Variants in SLC35F4 observed in about 807,000 individuals in gnomAD.
SLC35F4 encodes chromosome 14 open reading frame 36.
A neutral mutation model predicts 44.2 loss-of-function variants in SLC35F4; 24 were observed. The observed-to-expected ratio is 0.54, with a 90% CI of 0.39 to 0.76. The LOEUF is 0.76. SLC35F4 is among the 30% of genes least tolerant of loss of function. SLC35F4 has a pLI of 0.00. For synonymous variants in SLC35F4, 238 were observed against 223.6 expected, an observed-to-expected ratio of 1.06 and a Z score of -0.57; for missense variants, 562 against 586.1, an observed-to-expected ratio of 0.96 and a Z score of 0.42.
chr14:57,766,186 CT>C (rs2077230541), intron 1 of SLC35F4, among the ~76,000 whole-genome samples: 1 of 152,168 alleles, frequency 6.6e-6, no homozygotes, highest in African/African-American at 2.4e-5. Flanking sequence ...AGAGCTGTAC[CT>C]CTTTATTCAG....
intron 1 of SLC35F4, among the ~76,000 whole-genome samples, chr14:57,767,398 G>T (rs1301619564): frequency 6.6e-6 from 1 of 152,052 alleles, no homozygotes; most frequent in African/African-American, 2.4e-5. Context: ...GTAACAGAAA[G>T]AAAATGACAT....
intron 1 of SLC35F4, among the ~76,000 whole-genome samples, chr14:57,923,128 G>T (rs1415604464): frequency 1.3e-5 from 2 of 152,100 alleles, no homozygotes; most frequent in African/African-American, 4.8e-5. Context: ...AATAAGAAAA[G>T]GCTCTAGAAT....
intron 1 of SLC35F4, among the ~76,000 whole-genome samples, chr14:57,813,211 C>T (rs547890436): frequency 2.0e-4 from 31 of 152,322 alleles, no homozygotes; most frequent in Non-Finnish European, 1.6e-4. Context: ...CAACTCCACC[C>T]CAACACCACG....
At chr14:57,929,794 G>C (rs1372929520) in intron 1 of SLC35F4, among the ~76,000 whole-genome samples, 1 of 152,142 alleles carries the variant, frequency 6.6e-6, no homozygotes, top group African/African-American at 2.4e-5. Flanking sequence ...TCAAATGAAT[G>C]AAAACTCCCC....
At chr14:57,816,680 C>T (rs2140900310) in intron 1 of SLC35F4, among the ~76,000 whole-genome samples, 1 of 152,276 alleles carries the variant, frequency 6.6e-6, no homozygotes, top group African/African-American at 2.4e-5. Context: ...GTGACTAAAG[C>T]ACAAAATTTA....
At chr14:57,933,720 C>T (rs1180137856) in intron 1 of SLC35F4, among the ~76,000 whole-genome samples, 1 of 152,028 alleles carries the variant, frequency 6.6e-6, no homozygotes, top group Non-Finnish European at 1.5e-5. Flanking sequence ...TGAAATAGAA[C>T]CAAATGGGAA....
intron 1 of SLC35F4, among the ~76,000 whole-genome samples, chr14:57,714,867 C>G (rs886819965): frequency 6.6e-6 from 1 of 152,134 alleles, no homozygotes; most frequent in Admixed American, 6.5e-5. Flanking sequence ...TTGGACTTAA[C>G]GGACCAAGAA....
At chr14:57,776,568 A>C (rs990434095) in intron 1 of SLC35F4, among the ~76,000 whole-genome samples, 8 of 147,658 alleles carry the variant, frequency 5.4e-5, no homozygotes, top group African/African-American at 2.0e-4. Context: ...TGGGAGGCTG[A>C]GGTCAGAGAA....
chr14:57,895,693 G>C (rs1463425259), intron 1 of SLC35F4, among the ~76,000 whole-genome samples: 1 of 151,928 alleles, frequency 6.6e-6, no homozygotes, highest in African/African-American at 2.4e-5. Context: ...AGTTTCCTGA[G>C]GCCTCCCAGT....
rs1555398709 is a variant in SLC35F4 at position 57,865,989 on chromosome 14, A to AGCGGCAGCGGCAGCGGCG, written c.-165_-164insCGCCGCTGCCGCTGCCGC. 2.7e-6 allele frequency: 1 copy of AGCGGCAGCGGCAGCGGCG among 365,260 alleles called. No individual in the cohort carries two copies. The highest frequency in any genetic ancestry group is 2.2e-5 in the African/African-American group (1 of 45,490). The allele number at this position is 365,260 out of a possible 1,614,324, so 22.6% of individuals were successfully genotyped here. Reference sequence around the variant, plus strand: ...CGGCGCAGCACCGGCTCCGCATCACAGCGGCGGCGGCGGCGGCGGCGGCGG... The same window carrying AGCGGCAGCGGCAGCGGCG: ...CGGCGCAGCACCGGCTCCGCATCACAGCGGCAGCGGCAGCGGCGGCGGCGGCGGCGGCGGCGGCGGCGG... On this transcript the variant is annotated 5_prime_UTR_variant, in exon 1 of 8. Coordinates refer to ENST00000556826, the MANE Select transcript of SLC35F4 (RefSeq NM_001306087.2).
chr14:57,880,597 A>C (rs1888513874), intron 1 of SLC35F4, among the ~76,000 whole-genome samples: 1 of 152,236 alleles, frequency 6.6e-6, no homozygotes, highest in Admixed American at 6.5e-5. Context: ...CTTTTAAAAC[A>C]AAGTTTCTCT....
In SLC35F4 at chr14:57,569,849, G is replaced by A; in HGVS notation, c.1065C>T (p.His355=). The change falls in exon 6 of 8, where the codon CAC becomes CAT. Residue 355 remains histidine, a synonymous_variant. Transcript: ENST00000556826. ...PVILYFTKVE[H]WSSFAALPWG... Reference sequence around the variant, plus strand: ...ATGGCAGAGCAGCAAAAGAGGACCAGTGCTCCACCTTGGTGAAATACAAGA... The same window carrying A: ...ATGGCAGAGCAGCAAAAGAGGACCAATGCTCCACCTTGGTGAAATACAAGA... 1 of 1,611,918 alleles carries A rather than the reference G, an allele frequency of 6.2e-7. No homozygotes were observed. The highest frequency in any genetic ancestry group is 8.5e-7 in the Non-Finnish European group (1 of 1,179,120).
chr14:57,959,032 AAG>A (rs1890295713), intron 1 of SLC35F4, among the ~76,000 whole-genome samples: 1 of 152,204 alleles, frequency 6.6e-6, no homozygotes, highest in South Asian at 2.1e-4. Context: ...GGACAGGAAC[AAG>A]AATGGGCACC....
At chr14:57,918,793 C>A (rs1040920059) in intron 1 of SLC35F4, among the ~76,000 whole-genome samples, 5 of 152,118 alleles carry the variant, frequency 3.3e-5, no homozygotes, top group African/African-American at 1.2e-4. Context: ...GATTGGGGTC[C>A]AGCCTATCCC....
chr14:57,834,732 A>C (rs1045852855), intron 1 of SLC35F4, among the ~76,000 whole-genome samples: 20 of 152,326 alleles, frequency 1.3e-4, no homozygotes, highest in Non-Finnish European at 2.4e-4. Context: ...TCAGAGAACC[A>C]AAATAGGCCG....
chr14:57,669,273 C>A (rs1486670718), intron 1 of SLC35F4, among the ~76,000 whole-genome samples: 1 of 151,950 alleles, frequency 6.6e-6, no homozygotes, highest in African/African-American at 2.4e-5. Context: ...ATGTCAACTG[C>A]AAACAGGGAC....
chr14:57,630,322 C>G, intron 1 of SLC35F4: 1 of 580,074 alleles, frequency 1.7e-6, no homozygotes, highest in Admixed American at 2.4e-5. Flanking sequence ...TATAGAAGGT[C>G]GTATAGTCCT....
intron 1 of SLC35F4, among the ~76,000 whole-genome samples, chr14:57,871,935 C>T (rs886426246): frequency 1.3e-5 from 2 of 152,182 alleles, no homozygotes; most frequent in African/African-American, 4.8e-5. Flanking sequence ...CTATTCTCTT[C>T]GTCCTTTGTT....
chr14:57,864,683 T>C (rs904211537), intron 1 of SLC35F4, among the ~76,000 whole-genome samples: 2 of 152,204 alleles, frequency 1.3e-5, no homozygotes, highest in East Asian at 1.9e-4. Flanking sequence ...CAGAAATGCA[T>C]CTAGGAGCTT....
Sources: gnomAD v4.1 joint callset for allele counts (sites outside exome capture counted in the v4.1 genomes callset) on GRCh38, gnomAD v4.1.1 for gene constraint, MANE v1.5 for transcripts, NCBI Gene and HGNC (gene_info 2026-07-23, HGNC 2026-07-21) for gene names.